Variants in SOX5 observed in about 807,000 individuals in gnomAD.
SOX5 encodes the protein transcription factor SOX-5.
SOX5 carries 9 observed loss-of-function variants against 92.0 expected under a neutral mutation model. That is an observed-to-expected ratio of 0.10 (90% CI 0.06 to 0.17). SOX5 has a LOEUF of 0.17. Ranked by LOEUF, SOX5 falls within the 10% of genes least tolerant of loss-of-function variation. The pLI is 1.00. For synonymous variants in SOX5, 344 were observed against 336.3 expected (o/e 1.02, Z -0.25); for missense variants, 642 against 944.5 (o/e 0.68, Z 4.20).
intron 1 of SOX5, among the ~76,000 whole-genome samples, chr12:23,900,912 A>G (rs2097223587): frequency 6.6e-6 from 1 of 152,116 alleles, no homozygotes; most frequent in Non-Finnish European, 1.5e-5. Flanking sequence ...GTGAGCTGAG[A>G]TCGCGCCACT....
intron 2 of SOX5, among the ~76,000 whole-genome samples, chr12:24,319,499 AC>A (rs934235411): frequency 6.6e-6 from 1 of 152,014 alleles, no homozygotes; most frequent in Non-Finnish European, 1.5e-5. Context: ...TATTGATACT[AC>A]CCCCTAACTA....
intron 1 of SOX5, among the ~76,000 whole-genome samples, chr12:24,382,820 T>C (rs1292635528): frequency 1.3e-5 from 2 of 152,040 alleles, no homozygotes; most frequent in Admixed American, 1.3e-4. Flanking sequence ...AGGATGATAA[T>C]GAGGTTTTGG....
chr12:23,732,125 T>A (rs2093416424), intron 6 of SOX5, among the ~76,000 whole-genome samples: 1 of 152,174 alleles, frequency 6.6e-6, no homozygotes, highest in Non-Finnish European at 1.5e-5. Context: ...TTGCCTTTCA[T>A]GATAGCAGAT....
At chr12:24,536,109 T>C (rs1235412639) in intron 1 of SOX5, among the ~76,000 whole-genome samples, 1 of 152,216 alleles carries the variant, frequency 6.6e-6, no homozygotes, top group African/African-American at 2.4e-5. Context: ...CCTTGGAAGA[T>C]AGAGGTGAGC....
intron 6 of SOX5, among the ~76,000 whole-genome samples, chr12:23,699,471 T>C (rs2090328996): frequency 6.6e-6 from 1 of 152,204 alleles, no homozygotes; most frequent in South Asian, 2.1e-4. Flanking sequence ...TTTCTTTCCA[T>C]TTAGTTATCT....
intron 1 of SOX5, among the ~76,000 whole-genome samples, chr12:23,924,962 T>C (rs1419673317): frequency 6.6e-6 from 1 of 151,982 alleles, no homozygotes; most frequent in Non-Finnish European, 1.5e-5. Flanking sequence ...CCCTCCACTA[T>C]TGTCCTGTGA....
chr12:24,033,931 T>C (rs1445170769), intron 4 of SOX5, among the ~76,000 whole-genome samples: 1 of 152,066 alleles, frequency 6.6e-6, no homozygotes, highest in African/African-American at 2.4e-5. Context: ...TTGGGATTTG[T>C]CATCTGAAGA....
intron 2 of SOX5, among the ~76,000 whole-genome samples, chr12:24,296,317 C>A (rs1383482699): frequency 6.6e-6 from 1 of 152,184 alleles, no homozygotes; most frequent in African/African-American, 2.4e-5. Flanking sequence ...ACTGTTTCCA[C>A]ATTATTGTGA....
At chr12:24,334,912 G>GT in intron 2 of SOX5, among the ~76,000 whole-genome samples, 1 of 89,724 alleles carries the variant, frequency 1.1e-5, no homozygotes, top group Admixed American at 1.3e-4. Flanking sequence ...TCCCAATTAT[G>GT]TAAAAAAAAA....
chr12:23,777,386 T>C (rs1188820829), intron 3 of SOX5, among the ~76,000 whole-genome samples: 2 of 152,212 alleles, frequency 1.3e-5, no homozygotes, highest in Non-Finnish European at 2.9e-5. Context: ...AGACAGACAG[T>C]AATCAGAATA....
chr12:23,552,874 A>G (rs1276801936), intron 11 of SOX5, among the ~76,000 whole-genome samples: 4 of 152,054 alleles, frequency 2.6e-5, no homozygotes, highest in East Asian at 3.9e-4. Context: ...CAAACCTTCA[A>G]TTCTATGATT....
intron 2 of SOX5, among the ~76,000 whole-genome samples, chr12:24,281,878 G>A (rs1945248230): frequency 6.6e-6 from 1 of 152,100 alleles, no homozygotes; most frequent in African/African-American, 2.4e-5. Flanking sequence ...GATGCCAGAT[G>A]GGGAAAGGAG....
At chr12:23,940,591 A>C (rs749996285) in intron 1 of SOX5, among the ~76,000 whole-genome samples, 4 of 151,378 alleles carry the variant, frequency 2.6e-5, no homozygotes, top group Non-Finnish European at 5.9e-5. Context: ...AAGAGGTCTC[A>C]GTTTTTAAAG....
At chr12:24,329,467 C>T (rs1442415414) in intron 2 of SOX5, among the ~76,000 whole-genome samples, 1 of 152,180 alleles carries the variant, frequency 6.6e-6, no homozygotes, top group African/African-American at 2.4e-5. Context: ...AAAGTCCATT[C>T]ACCTCCCACC....
At chr12:23,626,490 A>G (rs2077803788) in intron 8 of SOX5, among the ~76,000 whole-genome samples, 1 of 151,936 alleles carries the variant, frequency 6.6e-6, no homozygotes, top group Non-Finnish European at 1.5e-5. Flanking sequence ...TGGCTTGACA[A>G]TTTTCAAGGT....
chr12:24,281,142 A>G (rs1291719754), intron 2 of SOX5, among the ~76,000 whole-genome samples: 1 of 151,544 alleles, frequency 6.6e-6, no homozygotes, highest in African/African-American at 2.4e-5. Flanking sequence ...TTTAAAACAG[A>G]TAGTTTTTGA....
At chr12:23,837,192 T>G (rs2096430403) in intron 3 of SOX5, among the ~76,000 whole-genome samples, 1 of 135,744 alleles carries the variant, frequency 7.4e-6, no homozygotes, top group Non-Finnish European at 1.5e-5. Flanking sequence ...TATATACATG[T>G]GTATATATAA....
intron 3 of SOX5, 94 bp from the exon 4 acceptor site, chr12:23,755,818 T>A: frequency 1.4e-6 from 1 of 734,918 alleles, no homozygotes; most frequent in Non-Finnish European, 2.2e-6. Flanking sequence ...AGGCCATCCC[T>A]ATCCCAGCCC....
At chr12:24,532,994 T>C (rs1324409528) in intron 1 of SOX5, among the ~76,000 whole-genome samples, 1 of 152,264 alleles carries the variant, frequency 6.6e-6, no homozygotes, top group Non-Finnish European at 1.5e-5. Context: ...CTGTACCAAC[T>C]ATTTCCATTA....
Sources: gnomAD v4.1 joint callset for allele counts (sites outside exome capture counted in the v4.1 genomes callset) on GRCh38, gnomAD v4.1.1 for gene constraint, MANE v1.5 for transcripts, NCBI Gene and HGNC (gene_info 2026-07-23, HGNC 2026-07-21) for gene names.